AGAP1: variants seen among roughly 807,000 people sequenced by gnomAD.
The protein encoded by AGAP1 is arf-GAP with GTPase, ANK repeat and PH domain-containing protein 1.
AGAP1 carries 29 observed loss-of-function variants against 105.3 expected under a neutral mutation model. That is an observed-to-expected ratio of 0.28 (90% CI 0.21 to 0.38). AGAP1 has a LOEUF of 0.38. Among genes scored for constraint, AGAP1 ranks in the 10% least tolerant of loss-of-function variants. The pLI, the probability that AGAP1 is intolerant of heterozygous loss-of-function variation, is 1.00. For synonymous variants in AGAP1, 509 were observed against 485.9 expected (o/e 1.05, Z -0.63); for missense variants, 998 against 1,165.1 (o/e 0.86, Z 2.09).
chr2:236,081,861 A>ATGAAAGCG (rs1222184819), intron 16 of AGAP1, among the ~76,000 whole-genome samples: 1 of 152,104 alleles, frequency 6.6e-6, no homozygotes, highest in Non-Finnish European at 1.5e-5. Flanking sequence ...TCTCAGGGGG[A>ATGAAAGCG]TGAAAGCGGT....
intron 1 of AGAP1, among the ~76,000 whole-genome samples, chr2:235,658,890 T>C (rs1947859024): frequency 6.6e-6 from 1 of 152,210 alleles, no homozygotes; most frequent in Non-Finnish European, 1.5e-5. Flanking sequence ...GTTGTTGGTG[T>C]TTTACTACCA....
intron 16 of AGAP1, among the ~76,000 whole-genome samples, chr2:236,070,116 G>A (rs905991288): frequency 4.6e-5 from 7 of 152,252 alleles, no homozygotes; most frequent in African/African-American, 1.4e-4. Flanking sequence ...CCACTGGGGT[G>A]TGACCCCCAC....
In AGAP1 at chr2:236,101,943, T is replaced by C. The variant is rs968651129; in HGVS notation, c.2115-18249T>C. Among the ~76,000 whole-genome samples, 1 of 152,234 alleles carries C rather than the reference T, an allele frequency of 6.6e-6. No individual in the cohort carries two copies. The highest frequency in any genetic ancestry group is 2.4e-5 in the African/African-American group (1 of 41,468). The stretch of plus-strand genomic sequence containing the variant: ...GCTTAGCTATGTTTCTGTGCAAACA[T>C]ACTCACACACAGTTTCCAAATGAAG... On this transcript the variant is annotated intron_variant, in intron 16 of 17. Coordinates refer to ENST00000304032, the MANE Select transcript of AGAP1 (RefSeq NM_001037131.3). The surrounding 1 kb of genome is among the most constrained non-coding windows in gnomAD (Gnocchi z 4.9).
chr2:235,521,476 T>C (rs923919271), intron 1 of AGAP1, among the ~76,000 whole-genome samples: 3 of 152,210 alleles, frequency 2.0e-5, no homozygotes, highest in Non-Finnish European at 2.9e-5. Flanking sequence ...AACTATTTTT[T>C]AATAAGTATT....
At chr2:235,770,412 G>A (rs953256819) in intron 6 of AGAP1, among the ~76,000 whole-genome samples, 1 of 151,946 alleles carries the variant, frequency 6.6e-6, no homozygotes, top group Non-Finnish European at 1.5e-5. Context: ...TGGGATTACA[G>A]GCGTGAGCCA....
rs1276693608 is a variant in AGAP1 at position 235,801,500 on chromosome 2, A to T, written c.957+1978A>T. Among the ~76,000 whole-genome samples, 1 of 152,086 alleles carries T rather than the reference A, an allele frequency of 6.6e-6. No individual in the cohort carries two copies. Among genetic ancestry groups the T allele is most frequent in the Non-Finnish European group, 1.5e-5 (1 of 68,014 alleles). ...GCATGGATAACATGTTTTATTGGGC[A>T]GTTTCTTCACACACACCGAGAACAG... On this transcript the variant is annotated intron_variant, in intron 8 of 17. Coordinates refer to ENST00000304032, the MANE Select transcript of AGAP1 (RefSeq NM_001037131.3). The surrounding 1 kb of genome is among the most constrained non-coding windows in gnomAD (Gnocchi z 6.0).
Position 235,866,940 on chromosome 2 carries a change from G to A in AGAP1, c.1051-16405G>A, listed in dbSNP as rs1575650098. On this transcript the variant is annotated intron_variant, in intron 9 of 17. Coordinates refer to ENST00000304032, the MANE Select transcript of AGAP1 (RefSeq NM_001037131.3). This position sits in a 1 kb window ranked among gnomAD's most constrained non-coding sequence, Gnocchi z 6.1. ...CCCTGACTCCAAATAGAGTCACATCGTGAGTGCTGGGCGTTAGGATCTCAA... is the reference window on the plus strand; with the variant it reads ...CCCTGACTCCAAATAGAGTCACATCATGAGTGCTGGGCGTTAGGATCTCAA... Among the ~76,000 whole-genome samples, 2 of 152,170 alleles carry A rather than the reference G, an allele frequency of 1.3e-5. No individual in the cohort carries two copies. The highest frequency in any genetic ancestry group is 4.1e-4 in the South Asian group (2 of 4,828).
rs547646334 is a variant in AGAP1, at chr2:235,953,527, C to T, written c.1484-14935C>T. 1.6e-4 allele frequency among the ~76,000 whole-genome samples: 25 copies of T among 152,280 alleles called. No individual in the cohort carries two copies. In the South Asian group the frequency reaches 4.6e-3, roughly 28 times the overall value. The stretch of plus-strand genomic sequence containing the variant: ...TTTTTTCCCTCCAGCATTTCAAAGA[C>T]ATTACTCAAATTTTGTTTGTTCTTT... On this transcript the variant is annotated intron_variant, in intron 12 of 17. Transcript: ENST00000304032. This position sits in a 1 kb window ranked among gnomAD's most constrained non-coding sequence, Gnocchi z 5.2.
chr2:235,521,607 A>G (rs1473583734), intron 1 of AGAP1, among the ~76,000 whole-genome samples: 1 of 152,124 alleles, frequency 6.6e-6, no homozygotes, highest in Admixed American at 6.5e-5. Context: ...TAACTTAGGA[A>G]CATGTTCTGG....
chr2:236,103,477 C>T (rs2059408802), intron 16 of AGAP1, among the ~76,000 whole-genome samples: 1 of 152,162 alleles, frequency 6.6e-6, no homozygotes, highest in Admixed American at 6.5e-5. Context: ...TCCTGGGCCC[C>T]TTGTTTGTTT....
intron 13 of AGAP1, among the ~76,000 whole-genome samples, chr2:235,975,263 T>A (rs1386810832): frequency 6.6e-6 from 1 of 152,222 alleles, no homozygotes; most frequent in Admixed American, 6.5e-5. Flanking sequence ...AGGACTTTTT[T>A]TTATTATTAT....
Position 236,073,091 on chromosome 2 carries a change from A to G in AGAP1, c.2114+23810A>G, listed in dbSNP as rs1414094154. ...GCTCACTGCAACTTCCGCCTCCCAG[A>G]TTCGAGCGATTCTCCTGCCTTGGTC... On this transcript the variant is annotated intron_variant, in intron 16 of 17. Transcript: ENST00000304032. This position sits in a 1 kb window ranked among gnomAD's most constrained non-coding sequence, Gnocchi z 5.4. Among the ~76,000 whole-genome samples, 12 of 151,660 alleles carry G rather than the reference A, an allele frequency of 7.9e-5. No individual in the cohort carries two copies. The highest frequency in any genetic ancestry group is 1.2e-4 in the Non-Finnish European group (8 of 67,860).
rs1451968857 is a variant in AGAP1, at chr2:235,789,702, T to C, written c.674-8057T>C. ...AAGGCATCAAAGGATTACTTTGATA[T>C]ACGCAAGGTAAGTCAACAAAGGATT... On this transcript the variant is annotated intron_variant, in intron 6 of 17. Coordinates refer to ENST00000304032, the MANE Select transcript of AGAP1 (RefSeq NM_001037131.3). The surrounding 1 kb of genome is among the most constrained non-coding windows in gnomAD (Gnocchi z 4.2). Among the ~76,000 whole-genome samples the C allele has an allele frequency of 2.0e-5, 3 of 152,196 alleles. No homozygotes were observed. Among genetic ancestry groups the C allele is most frequent in the Admixed American group, 1.3e-4 (2 of 15,278 alleles).
At position 235,872,593 on chromosome 2, in the gene AGAP1, C is replaced by G. The variant is rs1050436511; in HGVS notation, c.1051-10752C>G. On this transcript the variant is annotated intron_variant, in intron 9 of 17. Coordinates refer to ENST00000304032, the MANE Select transcript of AGAP1 (RefSeq NM_001037131.3). The surrounding 1 kb of genome is among the most constrained non-coding windows in gnomAD (Gnocchi z 4.5). ...GCCAGTAGGATCACGGCTTCATGTC[C>G]TCTAAAAGTTTCAAATGAACTATTT... Among the ~76,000 whole-genome samples the G allele has an allele frequency of 6.6e-6, 1 of 152,206 alleles. No individual in the cohort carries two copies. The highest frequency in any genetic ancestry group is 1.9e-4 in the East Asian group (1 of 5,184).
chr2:236,045,514 G>A lies in AGAP1; in HGVS notation c.1892-3545G>A, dbSNP rs1046330494. Among the ~76,000 whole-genome samples the A allele has an allele frequency of 2.0e-5, 3 of 152,240 alleles. No individual in the cohort carries two copies. The highest frequency in any genetic ancestry group is 1.5e-5 in the Non-Finnish European group (1 of 68,046). On this transcript the variant is annotated intron_variant, in intron 15 of 17. Transcript: ENST00000304032. The surrounding 1 kb of genome is among the most constrained non-coding windows in gnomAD (Gnocchi z 6.9). Reference sequence around the variant, plus strand: ...GGGAGCTGAGGCCCGGAGAGCAAGAGGCTTGCAGAGGACAAAGGTGGAAAG... The same window carrying A: ...GGGAGCTGAGGCCCGGAGAGCAAGAAGCTTGCAGAGGACAAAGGTGGAAAG...
chr2:235,499,178 T>C (rs1157963489), intron 1 of AGAP1, among the ~76,000 whole-genome samples: 2 of 152,172 alleles, frequency 1.3e-5, no homozygotes, highest in Non-Finnish European at 2.9e-5. Flanking sequence ...CCGTGTGAGA[T>C]TGCGGAGCCC....
chr2:235,770,424 C>G (rs1254838634), intron 6 of AGAP1, among the ~76,000 whole-genome samples: 1 of 152,038 alleles, frequency 6.6e-6, no homozygotes, highest in Non-Finnish European at 1.5e-5. Context: ...CGTGAGCCAC[C>G]ACGCCTGGCC....
intron 1 of AGAP1, among the ~76,000 whole-genome samples, chr2:235,509,571 A>C (rs1226177943): frequency 6.6e-6 from 1 of 152,016 alleles, no homozygotes; most frequent in Non-Finnish European, 1.5e-5. Flanking sequence ...CAACTCTTGA[A>C]AGTTTACCAT....
chr2:235,656,218 G>T (rs1221306750), intron 1 of AGAP1, among the ~76,000 whole-genome samples: 3 of 152,174 alleles, frequency 2.0e-5, no homozygotes, highest in Non-Finnish European at 4.4e-5. Context: ...CAGATATTCG[G>T]GTTTCAAGAA....
Sources: allele counts gnomAD v4.1 joint callset (sites outside exome capture counted in the v4.1 genomes callset), GRCh38; gene constraint gnomAD v4.1.1; non-coding constraint Gnocchi (gnomAD v3.1); transcripts MANE v1.5; gene names NCBI Gene and HGNC (gene_info 2026-07-23, HGNC 2026-07-21).